Variants in DOCK7 observed in about 807,000 individuals in gnomAD.
DOCK7 encodes the protein dedicator of cytokinesis protein 7.
A neutral mutation model predicts 271.0 loss-of-function variants in DOCK7; 138 were observed. That is an observed-to-expected ratio of 0.51 (90% confidence interval 0.44 to 0.59). The LOEUF (loss-of-function observed/expected upper bound fraction) is 0.59, where lower values mean the gene tolerates loss of function less well. Ranked by LOEUF, DOCK7 falls within the 20% of genes least tolerant of loss-of-function variation. DOCK7 has a pLI of 0.00. For synonymous variants in DOCK7, 823 were observed against 876.1 expected (o/e 0.94, Z 1.07); for missense variants, 2,066 against 2,592.4 (o/e 0.80, Z 4.41).
intron 43 of DOCK7, among the ~76,000 whole-genome samples, chr1:62,480,952 T>C (rs1364939844): frequency 7.6e-6 from 1 of 131,456 alleles, no homozygotes; most frequent in Non-Finnish European, 1.5e-5. Context: ...GAGCTTGCAG[T>C]GAGCCGAGAT....
At chr1:62,645,885 C>T (rs1384635557) in intron 7 of DOCK7, among the ~76,000 whole-genome samples, 1 of 152,136 alleles carries the variant, frequency 6.6e-6, no homozygotes, top group African/African-American at 2.4e-5. Flanking sequence ...TGGTGGCTCA[C>T]ACCTGTAATC....
chr1:62,465,873 T>A (rs1349333729), intron 48 of DOCK7, among the ~76,000 whole-genome samples: 4 of 152,136 alleles, frequency 2.6e-5, no homozygotes, highest in African/African-American at 9.7e-5. Context: ...TTATCTCATA[T>A]CAAAAATGCA....
At chr1:62,620,840 C>T (rs565820899) in intron 12 of DOCK7, among the ~76,000 whole-genome samples, 2 of 135,966 alleles carry the variant, frequency 1.5e-5, no homozygotes, top group Non-Finnish European at 3.0e-5. Flanking sequence ...GCTGAGTTCG[C>T]ACCACTGCAC....
chr1:62,682,750 G>T (rs981806141), intron 1 of DOCK7, among the ~76,000 whole-genome samples: 6 of 152,164 alleles, frequency 3.9e-5, no homozygotes, highest in African/African-American at 1.4e-4. Context: ...GGAATGTTTG[G>T]TTGGCAGCTG....
chr1:62,598,101 A>G, intron 14 of DOCK7: 2 of 1,504,722 alleles, frequency 1.3e-6, no homozygotes, highest in Non-Finnish European at 1.8e-6. Context: ...TATGTTTTCA[A>G]TGTGGATCTT....
At position 62,475,853 on chromosome 1, in the gene DOCK7, G is replaced by A. The variant is rs1162507044; in HGVS notation, c.5815C>T (p.Arg1939Cys). 12 of 1,613,910 alleles carry A rather than the reference G, an allele frequency of 7.4e-6. No individual in the cohort carries two copies. Among genetic ancestry groups the A allele is most frequent in the Non-Finnish European group, 1.0e-5 (12 of 1,179,946 alleles). The change falls in exon 46 of 50, where the codon CGT (arginine) becomes TGT (cysteine). Residue 1939 changes from arginine to cysteine, a missense_variant. Around this residue, in one of 2 missense-constraint regions of DOCK7, gnomAD observed 652 missense variants for 922.1 expected, o/e 0.71. Transcript: ENST00000635253. ...ITYFDKNYNL[R>C]RFMYCTPFTL... ...AAGGGTGTACAGTACATGAATCGAC[G>A]AAGATTGTAATTTTTGTCGAAATAG...
chr1:62,487,497 ATTC>A (rs1646329265), intron 42 of DOCK7, 85 bp from the exon 43 acceptor site: 1 of 1,199,774 alleles, frequency 8.3e-7, no homozygotes, highest in Non-Finnish European at 1.2e-6. Context: ...TATACCATAA[ATTC>A]TTCTCCACAA....
intron 14 of DOCK7, among the ~76,000 whole-genome samples, chr1:62,591,043 T>C (rs907498271): frequency 1.3e-5 from 2 of 152,176 alleles, no homozygotes; most frequent in African/African-American, 4.8e-5. Context: ...TGCACATGAA[T>C]GTTCACTGCA....
chr1:62,499,761 C>A (rs1030329819), intron 37 of DOCK7, among the ~76,000 whole-genome samples: 1 of 151,872 alleles, frequency 6.6e-6, no homozygotes, highest in African/African-American at 2.4e-5. Flanking sequence ...TGCCTATAGC[C>A]CCAGCTACTT....
chr1:62,527,960 A>G (rs1236669114), intron 31 of DOCK7, among the ~76,000 whole-genome samples, 191 bp downstream of exon 31: 2 of 152,114 alleles, frequency 1.3e-5, no homozygotes, highest in African/African-American at 2.4e-5. Context: ...TTTTCCCATA[A>G]ACCTTGAGGT....
intron 31 of DOCK7, among the ~76,000 whole-genome samples, chr1:62,519,600 C>T (rs1557659260): frequency 6.6e-6 from 1 of 151,928 alleles, no homozygotes; most frequent in African/African-American, 2.4e-5. Context: ...AACTTGTTCC[C>T]CCAGCTCACA....
intron 14 of DOCK7, among the ~76,000 whole-genome samples, chr1:62,588,303 T>C (rs1025506213): frequency 5.9e-5 from 9 of 152,156 alleles, no homozygotes; most frequent in East Asian, 1.9e-4. Flanking sequence ...AGGAACATAG[T>C]ATAATGGGAT....
rs150032045 is a variant in DOCK7, at chr1:62,555,843, G to T, written c.2578C>A (p.Pro860Thr). The change falls in exon 21 of 50, where the codon CCT becomes ACT. Residue 860 changes from proline to threonine, a missense_variant. This residue lies in a region of DOCK7 where 1,414 missense variants were observed against 1,670.4 expected (regional missense o/e 0.85). Coordinates refer to ENST00000635253, the MANE Select transcript of DOCK7 (RefSeq NM_001367561.1). ...HYVFRLPNTY[P>T]NSSSPGPGGL... Reference sequence around the variant, plus strand: ...AAAATACCTGGTGATGATGAATTAGGGTAAGTATTTGGTAGGCGGAAAACA... The same window carrying T: ...AAAATACCTGGTGATGATGAATTAGTGTAAGTATTTGGTAGGCGGAAAACA... The T allele has an allele frequency of 2.3e-4, 367 of 1,611,680 alleles. No individual in the cohort carries two copies. The highest frequency in any genetic ancestry group is 3.0e-4 in the Non-Finnish European group (354 of 1,179,192).
chr1:62,620,644 GC>G (rs1393244905), intron 12 of DOCK7, among the ~76,000 whole-genome samples: 1 of 151,834 alleles, frequency 6.6e-6, no homozygotes, highest in Non-Finnish European at 1.5e-5. Context: ...ACTTTGGGAG[GC>G]CGAGGCGGGC....
At chr1:62,683,891 C>T (rs571416096) in intron 1 of DOCK7, among the ~76,000 whole-genome samples, 3 of 151,936 alleles carry the variant, frequency 2.0e-5, no homozygotes, top group African/African-American at 4.8e-5. Flanking sequence ...TGTACCACTG[C>T]GCTCCAGCCT....
chr1:62,567,028 A>G (rs976583548), intron 18 of DOCK7, among the ~76,000 whole-genome samples: 6 of 152,228 alleles, frequency 3.9e-5, no homozygotes, highest in Admixed American at 1.3e-4. Context: ...AATGGCGATC[A>G]TTAAAAAGTC....
intron 25 of DOCK7, among the ~76,000 whole-genome samples, 191 bp from the exon 26 acceptor site, chr1:62,540,083 C>G (rs974455094): frequency 6.6e-6 from 1 of 151,724 alleles, no homozygotes; most frequent in African/African-American, 2.4e-5. Context: ...AAAAAAACCA[C>G]CATATTACTT....
chr1:62,480,166 A>G (rs1394373406), intron 43 of DOCK7, among the ~76,000 whole-genome samples: 1 of 152,224 alleles, frequency 6.6e-6, no homozygotes, highest in Non-Finnish European at 1.5e-5. Flanking sequence ...CTTTATTACA[A>G]TGCCATCCTT....
At chr1:62,464,021 A>G (rs1490443650) in intron 48 of DOCK7, among the ~76,000 whole-genome samples, 1 of 152,200 alleles carries the variant, frequency 6.6e-6, no homozygotes, top group Non-Finnish European at 1.5e-5. Context: ...AACAAAAAGT[A>G]AACACATGGA....
Sources: gnomAD v4.1 joint callset for allele counts (sites outside exome capture counted in the v4.1 genomes callset) on GRCh38, gnomAD v4.1.1 for gene constraint, gnomAD v4.1.1 regional missense constraint, MANE v1.5 for transcripts, NCBI Gene and HGNC (gene_info 2026-07-23, HGNC 2026-07-21) for gene names.